ZPBP: variants seen among roughly 807,000 people sequenced by gnomAD.
ZPBP encodes the protein zona pellucida binding protein.
In ZPBP, 26 loss-of-function variants were observed where a neutral mutation model predicts 44.8. That is an observed-to-expected ratio of 0.58 (90% CI 0.43 to 0.81). The LOEUF (loss-of-function observed/expected upper bound fraction) is 0.81, where lower values mean the gene tolerates loss of function less well. Among genes scored for constraint, ZPBP ranks in the 30% least tolerant of loss-of-function variants. The pLI is 0.00. For synonymous variants in ZPBP, 174 were observed against 153.2 expected (o/e 1.14, Z -1.00); for missense variants, 409 against 434.0 (o/e 0.94, Z 0.51).
intron 3 of ZPBP, among the ~76,000 whole-genome samples, chr7:50,063,056 G>A (rs549411730): frequency 3.3e-5 from 5 of 152,274 alleles, no homozygotes; most frequent in Non-Finnish European, 5.9e-5. Context: ...AATTAATTGA[G>A]ACATGCATTA....
At chr7:49,969,301 AC>A (rs1156740395) in intron 7 of ZPBP, among the ~76,000 whole-genome samples, 15 of 150,742 alleles carry the variant, frequency 1.0e-4, no homozygotes, top group East Asian at 5.8e-4. Context: ...GTAAGTTATA[AC>A]ATAACAAGTT....
At chr7:50,007,423 G>A (rs987991394) in intron 6 of ZPBP, among the ~76,000 whole-genome samples, 4 of 152,084 alleles carry the variant, frequency 2.6e-5, no homozygotes, top group South Asian at 4.1e-4. Context: ...GAAAAGCCCA[G>A]AACCAGATGG....
At chr7:49,977,268 T>C (rs919731196) in intron 7 of ZPBP, among the ~76,000 whole-genome samples, 4 of 152,098 alleles carry the variant, frequency 2.6e-5, no homozygotes, top group African/African-American at 9.7e-5. Context: ...AACAATGTCT[T>C]TGTGGGTCGA....
chr7:50,091,216 G>C (rs1802978101), intron 1 of ZPBP, among the ~76,000 whole-genome samples: 1 of 151,924 alleles, frequency 6.6e-6, no homozygotes, highest in Non-Finnish European at 1.5e-5. Context: ...TCTAGATATA[G>C]ATTCCAGATA....
At chr7:50,057,565 T>C (rs1388074024) in intron 4 of ZPBP, among the ~76,000 whole-genome samples, 1 of 152,198 alleles carries the variant, frequency 6.6e-6, no homozygotes, top group East Asian at 1.9e-4. Flanking sequence ...GCTCTGCCAA[T>C]TGTAAGCCTC....
At chr7:49,888,571 A>G (rs962631236) in intron 2 of ZPBP, among the ~76,000 whole-genome samples, 1 of 152,194 alleles carries the variant, frequency 6.6e-6, no homozygotes. Context: ...CTGAAGCCTC[A>G]GGCAGCCTGC....
chr7:49,966,417 A>G (rs746157247), intron 7 of ZPBP, among the ~76,000 whole-genome samples: 2 of 152,178 alleles, frequency 1.3e-5, no homozygotes, highest in African/African-American at 4.8e-5. Context: ...TGGAACATTT[A>G]CCAAAATATA....
At chr7:50,078,644 T>C (rs909587882) in intron 3 of ZPBP, among the ~76,000 whole-genome samples, 1 of 151,416 alleles carries the variant, frequency 6.6e-6, no homozygotes, top group Non-Finnish European at 1.5e-5. Flanking sequence ...ACTCTGAACA[T>C]AGGCACTGGC....
In ZPBP at chr7:50,031,186, G is replaced by A; in HGVS notation, c.612C>T (p.Asp204=). The change falls in exon 5 of 8, where the codon GAC becomes GAT. Residue 204 remains aspartate (D), a synonymous_variant. Transcript: ENST00000046087. ...TAAGTAAGGAAATTTCACATGAAAG[G>A]TCAAGAAGCAGTTTGCTTAAAATCT... ...LLQILSKLLL[D]LSCEISLLKS... 6.2e-7 allele frequency: 1 copy of A among 1,613,642 alleles called. No individual in the cohort carries two copies. Among genetic ancestry groups the A allele is most frequent in the East Asian group, 2.2e-5 (1 of 44,796 alleles).
intron 4 of ZPBP, among the ~76,000 whole-genome samples, chr7:50,051,602 A>G (rs1800701659): frequency 6.6e-6 from 1 of 152,196 alleles, no homozygotes. Flanking sequence ...AATGTGATAC[A>G]CATACACCAT....
At chr7:50,062,880 C>A (rs907531123) in intron 3 of ZPBP, among the ~76,000 whole-genome samples, 1 of 151,804 alleles carries the variant, frequency 6.6e-6, no homozygotes, top group African/African-American at 2.4e-5. Flanking sequence ...ATCAGAGAGA[C>A]TGATGGGGTT....
At chr7:49,987,728 TTGTGTGTG>T (rs55971066) in intron 6 of ZPBP, among the ~76,000 whole-genome samples, 31,667 of 145,462 alleles carry the variant, frequency 0.22, 3,960 homozygotes, top group African/African-American at 0.35. Flanking sequence ...TATATATGTG[TTGTGTGTG>T]TGTGTGTGTG....
intron 2 of ZPBP, among the ~76,000 whole-genome samples, chr7:49,889,527 T>A (rs1792040203): frequency 6.6e-6 from 1 of 150,916 alleles, no homozygotes; most frequent in Non-Finnish European, 1.5e-5. Context: ...AAAGAAGGAG[T>A]CCCGGGAGCT....
chr7:50,057,993 T>C lies in ZPBP; in HGVS notation c.483A>G (p.Ile161Met), dbSNP rs765616318. ...ACAACTAACTTTACTTCTTACCATA[T>C]ATAGCATATTTTAGTTGAAGACGTT... ...IVKRLQLKYA[I>M]YAYREPHYYY... is the part of the protein sequence containing the mutation. The change falls in exon 4 of 8, where the codon ATA becomes ATG. Residue 161 changes from isoleucine (I) to methionine (M), a missense_variant. By Grantham distance (10) the Ile-to-Met change is conservative. Transcript: ENST00000046087. The C allele has an allele frequency of 2.7e-5, 44 of 1,608,884 alleles. No individual in the cohort carries two copies. The East Asian group carries it at 9.2e-4, about 33-fold the overall frequency.
chr7:49,878,117 T>A (rs560731946), intron 2 of ZPBP, among the ~76,000 whole-genome samples: 1 of 152,246 alleles, frequency 6.6e-6, no homozygotes, highest in South Asian at 2.1e-4. Flanking sequence ...AATGTTAATG[T>A]TAATTGGTGC....
chr7:49,870,216 C>T (rs1791087199), intron 2 of ZPBP, among the ~76,000 whole-genome samples: 1 of 152,044 alleles, frequency 6.6e-6, no homozygotes, highest in Admixed American at 6.5e-5. Flanking sequence ...CTGGCTAAGA[C>T]AGTGAAACTC....
At chr7:49,856,949 T>G (rs150958103) in intron 2 of ZPBP, among the ~76,000 whole-genome samples, 1,353 of 132,280 alleles carry the variant, frequency 0.01, 24 homozygotes, top group African/African-American at 0.036. Flanking sequence ...GGTGGAGCTT[T>G]CAGTGAGCTG....
intron 7 of ZPBP, among the ~76,000 whole-genome samples, chr7:49,963,442 T>A (rs539342335): frequency 6.6e-6 from 1 of 151,940 alleles, no homozygotes; most frequent in South Asian, 2.1e-4. Flanking sequence ...TAAATGTTCA[T>A]ACAACTTTAT....
At chr7:50,054,789 G>C (rs1800852728) in intron 4 of ZPBP, among the ~76,000 whole-genome samples, 2 of 151,984 alleles carry the variant, frequency 1.3e-5, no homozygotes, top group African/African-American at 4.8e-5. Context: ...AATACAGAAT[G>C]CAATGCATTT....
Sources: allele counts gnomAD v4.1 joint callset (sites outside exome capture counted in the v4.1 genomes callset), GRCh38; gene constraint gnomAD v4.1.1; transcripts MANE v1.5; gene names NCBI Gene and HGNC (gene_info 2026-07-23, HGNC 2026-07-21).